The following AKT3 variants were observed in gnomAD, a reference collection of about 807,000 sequenced individuals.
AKT3 encodes RAC-gamma serine/threonine-protein kinase.
A neutral mutation model predicts 65.3 loss-of-function variants in AKT3; 15 were observed. The ratio of observed to expected loss-of-function variants is 0.23; its 90% CI spans 0.15 to 0.35. The LOEUF (loss-of-function observed/expected upper bound fraction) is 0.35, where lower values mean the gene tolerates loss of function less well. AKT3 is among the 10% of genes least tolerant of loss of function. The pLI, the probability that AKT3 is intolerant of heterozygous loss-of-function variation, is 1.00. For missense variants in AKT3, 243 were observed against 576.5 expected, an observed-to-expected ratio of 0.42 and a Z score of 5.92; for synonymous variants, 206 against 183.8, an observed-to-expected ratio of 1.12 and a Z score of -0.98.
intron 12 of AKT3, among the ~76,000 whole-genome samples, chr1:243,513,379 G>T (rs1056833653): frequency 6.6e-6 from 1 of 152,126 alleles, no homozygotes; most frequent in African/African-American, 2.4e-5. Context: ...TTAGAATACA[G>T]TTCTCACGGG....
intron 2 of AKT3, among the ~76,000 whole-genome samples, chr1:243,758,937 T>C (rs546028378): frequency 1.1e-4 from 16 of 152,186 alleles, no homozygotes; most frequent in Non-Finnish European, 2.1e-4. Context: ...CGGCTTTTAC[T>C]GATATGGGAC....
At chr1:243,554,317 A>G (rs1217515755) in intron 10 of AKT3, among the ~76,000 whole-genome samples, 1 of 152,200 alleles carries the variant, frequency 6.6e-6, no homozygotes, top group Admixed American at 6.5e-5. Context: ...TAAAAAACTG[A>G]AAACTTCACT....
intron 3 of AKT3, among the ~76,000 whole-genome samples, chr1:243,689,774 G>T (rs1684572215): frequency 6.6e-6 from 1 of 151,950 alleles, no homozygotes; most frequent in Non-Finnish European, 1.5e-5. Context: ...ACAAAATGGT[G>T]AAACCCTGTC....
At chr1:243,697,165 AAATT>A (rs1685110396) in intron 2 of AKT3, among the ~76,000 whole-genome samples, 1 of 152,066 alleles carries the variant, frequency 6.6e-6, no homozygotes, top group Admixed American at 6.6e-5. Flanking sequence ...ACTTGAAAAT[AAATT>A]TATTACATAT....
intron 12 of AKT3, among the ~76,000 whole-genome samples, chr1:243,535,056 T>G (rs981466729): frequency 1.3e-5 from 2 of 150,392 alleles, no homozygotes; most frequent in Non-Finnish European, 3.0e-5. Flanking sequence ...TCTTTGTAAA[T>G]ATCAATGAAC....
intron 2 of AKT3, among the ~76,000 whole-genome samples, chr1:243,769,177 C>T (rs566764329): frequency 8.5e-5 from 13 of 152,184 alleles, no homozygotes; most frequent in African/African-American, 2.9e-4. Flanking sequence ...CTGAATAATG[C>T]TCCATTTTAT....
chr1:243,698,457 T>C (rs947967119), intron 2 of AKT3, among the ~76,000 whole-genome samples: 7 of 152,068 alleles, frequency 4.6e-5, no homozygotes, highest in African/African-American at 1.7e-4. Flanking sequence ...ATAATTTCCC[T>C]CTATGTACAT....
In AKT3 at chr1:243,499,897, A is replaced by G; in HGVS notation, c.*5352T>C. 1 of 1,013,486 alleles carries G rather than the reference A, an allele frequency of 9.9e-7. No individual in the cohort carries two copies. Among genetic ancestry groups the G allele is most frequent in the Non-Finnish European group, 1.5e-6 (1 of 656,360 alleles). 62.8% of individuals were successfully genotyped at this position (1,013,486 alleles called of 1,614,324 possible). On this transcript the variant is annotated 3_prime_UTR_variant, in exon 14 of 14. Coordinates refer to ENST00000673466, the MANE Select transcript of AKT3 (RefSeq NM_005465.7). ...GACCTTCCCAGGGTGACACCGCCTC[A>G]GCCTGCAGTGGGGCTGGTCCTCATC...
At chr1:243,600,391 G>A (rs1163873635) in intron 8 of AKT3, among the ~76,000 whole-genome samples, 1 of 152,112 alleles carries the variant, frequency 6.6e-6, no homozygotes, top group Admixed American at 6.5e-5. Flanking sequence ...GATTCAAGCT[G>A]CCTGATTTTA....
chr1:243,708,625 T>A (rs1048471781), intron 2 of AKT3, among the ~76,000 whole-genome samples: 1 of 151,926 alleles, frequency 6.6e-6, no homozygotes, highest in South Asian at 2.1e-4. Context: ...GGAAGGAAAA[T>A]GCATGGAATC....
chr1:243,588,616 G>A (rs933538022), intron 8 of AKT3, among the ~76,000 whole-genome samples: 3 of 151,986 alleles, frequency 2.0e-5, no homozygotes, highest in Non-Finnish European at 4.4e-5. Context: ...ATTTGACAAG[G>A]GTACTGAAAA....
At chr1:243,767,539 C>T (rs897615811) in intron 2 of AKT3, among the ~76,000 whole-genome samples, 2 of 151,768 alleles carry the variant, frequency 1.3e-5, no homozygotes, top group African/African-American at 2.4e-5. Flanking sequence ...AGAGTATTTC[C>T]ACTAATAGAT....
At chr1:243,766,363 AT>A (rs1477750182) in intron 2 of AKT3, among the ~76,000 whole-genome samples, 1 of 152,208 alleles carries the variant, frequency 6.6e-6, no homozygotes, top group Non-Finnish European at 1.5e-5. Context: ...ATAATTTTAA[AT>A]TGCAATTAGT....
intron 2 of AKT3, among the ~76,000 whole-genome samples, chr1:243,747,900 G>A (rs1470862701): frequency 6.6e-6 from 1 of 152,192 alleles, no homozygotes; most frequent in African/African-American, 2.4e-5. Context: ...ATGAAACGAT[G>A]TCTGAAGCAA....
At chr1:243,767,674 G>A (rs1050037721) in intron 2 of AKT3, among the ~76,000 whole-genome samples, 1 of 152,020 alleles carries the variant, frequency 6.6e-6, no homozygotes, top group Non-Finnish European at 1.5e-5. Flanking sequence ...CAGTATCTGA[G>A]ATTTGCTTCA....
intron 2 of AKT3, among the ~76,000 whole-genome samples, chr1:243,718,643 A>G (rs966534178): frequency 6.8e-5 from 10 of 147,298 alleles, no homozygotes; most frequent in African/African-American, 2.5e-4. Context: ...TCTTTTTTGT[A>G]TTTTTTTTTT....
At chr1:243,757,393 G>A (rs1689203422) in intron 2 of AKT3, among the ~76,000 whole-genome samples, 1 of 152,128 alleles carries the variant, frequency 6.6e-6, no homozygotes, top group Non-Finnish European at 1.5e-5. Flanking sequence ...TGAGGCGGGT[G>A]GATCACCTGA....
chr1:243,525,763 A>AAAAGAAAGAAAGAAAGAAAG (rs1156394636), intron 12 of AKT3, among the ~76,000 whole-genome samples: 1 of 28,624 alleles, frequency 3.5e-5, no homozygotes, highest in African/African-American at 1.5e-4. Flanking sequence ...GACAACTTCC[A>AAAAGAAAGAAAGAAAGAAAG]AAAGTAAGAA....
At chr1:243,535,893 T>C (rs1671892971) in intron 12 of AKT3, among the ~76,000 whole-genome samples, 1 of 152,208 alleles carries the variant, frequency 6.6e-6, no homozygotes, top group Non-Finnish European at 1.5e-5. Context: ...CTATTGTTTT[T>C]TGACTTTTTT....
Sources: gnomAD v4.1 joint callset for allele counts (sites outside exome capture counted in the v4.1 genomes callset) on GRCh38, gnomAD v4.1.1 for gene constraint, MANE v1.5 for transcripts, NCBI Gene and HGNC (gene_info 2026-07-23, HGNC 2026-07-21) for gene names.